MACROD1: variants seen among roughly 807,000 people sequenced by gnomAD.
MACROD1 encodes the protein ADP-ribose glycohydrolase MACROD1.
MACROD1 carries 31 observed loss-of-function variants against 41.4 expected under a neutral mutation model. That is an observed-to-expected ratio of 0.75 (90% CI 0.56 to 1.01). The LOEUF (loss-of-function observed/expected upper bound fraction) is 1.01. Ranked by LOEUF, MACROD1 falls within the 50% of genes least tolerant of loss-of-function variation. The pLI, the probability that MACROD1 is intolerant of heterozygous loss-of-function variation, is 0.00. For synonymous variants in MACROD1, 252 were observed against 203.4 expected (o/e 1.24, Z -2.03); for missense variants, 473 against 460.0 (o/e 1.03, Z -0.26).
intron 4 of MACROD1, among the ~76,000 whole-genome samples, chr11:64,011,564 C>G (rs1450634848): frequency 6.6e-6 from 1 of 151,954 alleles, no homozygotes; most frequent in African/African-American, 2.4e-5. Flanking sequence ...AGCTCAGAAT[C>G]TCCCATAACC....
chr11:64,123,572 C>A (rs914958934), intron 3 of MACROD1, among the ~76,000 whole-genome samples: 8 of 151,824 alleles, frequency 5.3e-5, no homozygotes, highest in African/African-American at 1.9e-4. Flanking sequence ...GGGGCACCTG[C>A]CCTGGCTTGG....
At chr11:64,103,476 A>C (rs958951379) in intron 3 of MACROD1, 2 of 152,182 alleles carry the variant, frequency 1.3e-5, no homozygotes, top group Non-Finnish European at 2.9e-5. Flanking sequence ...CCGGAGACAC[A>C]GCCTGAGTGG....
chr11:64,093,315 G>A (rs966741954), intron 3 of MACROD1, among the ~76,000 whole-genome samples: 1 of 152,230 alleles, frequency 6.6e-6, no homozygotes, highest in African/African-American at 2.4e-5. Flanking sequence ...TGCTGGTGTT[G>A]TCACTGCTGC....
chr11:64,094,579 C>T (rs1382824089), intron 3 of MACROD1, among the ~76,000 whole-genome samples: 1 of 152,202 alleles, frequency 6.6e-6, no homozygotes, highest in Non-Finnish European at 1.5e-5. Context: ...CCATCCCTGC[C>T]CCTGCCTAAC....
intron 3 of MACROD1, chr11:64,081,675 C>G (rs1320622950): frequency 6.6e-6 from 1 of 152,220 alleles, no homozygotes; most frequent in African/African-American, 2.4e-5. Context: ...ACATGCTTTT[C>G]TGCTTGAACC....
intron 3 of MACROD1, among the ~76,000 whole-genome samples, chr11:64,094,076 C>T (rs1944535428): frequency 6.6e-6 from 1 of 152,208 alleles, no homozygotes; most frequent in Admixed American, 6.5e-5. Flanking sequence ...CCAGGCAGAT[C>T]ATCTGAGGTC....
intron 3 of MACROD1, chr11:64,138,423 A>C (rs1167487070): frequency 1.3e-6 from 1 of 784,634 alleles, no homozygotes; most frequent in Non-Finnish European, 1.5e-6. Flanking sequence ...CTCCTCACAA[A>C]TGTCAATTCT....
intron 3 of MACROD1, among the ~76,000 whole-genome samples, chr11:64,131,756 G>A (rs560176895): frequency 1.3e-5 from 2 of 152,330 alleles, no homozygotes; most frequent in Admixed American, 6.5e-5. Context: ...TTCAGATGGG[G>A]AACATGCAGC....
chr11:64,151,548 G>A (rs536155738), intron 2 of MACROD1, among the ~76,000 whole-genome samples, 193 bp from the exon 3 acceptor site: 1 of 152,238 alleles, frequency 6.6e-6, no homozygotes, highest in South Asian at 2.1e-4. Context: ...AATCACGCGG[G>A]GACTCCTTGC....
intron 3 of MACROD1, among the ~76,000 whole-genome samples, chr11:64,091,030 G>A (rs931924542): frequency 9.9e-5 from 15 of 151,252 alleles, no homozygotes; most frequent in African/African-American, 3.4e-4. Flanking sequence ...GAGGAGGGAG[G>A]GGAGAAAGAA....
chr11:63,999,140 C>T, intron 8 of MACROD1, 104 bp from the exon 9 acceptor site: 1 of 1,347,616 alleles, frequency 7.4e-7, no homozygotes. Flanking sequence ...GCCCTGCGCC[C>T]TTCACGGAGG....
chr11:64,051,120 C>A (rs1334011422), intron 3 of MACROD1, among the ~76,000 whole-genome samples: 1 of 152,202 alleles, frequency 6.6e-6, no homozygotes, highest in Non-Finnish European at 1.5e-5. Flanking sequence ...GGGTGCAGCC[C>A]CCAAAGCCCC....
rs771072390 is a variant in MACROD1, at chr11:64,116,557, G to C, written c.517+34682C>G. On this transcript the variant is annotated intron_variant, in intron 3 of 10. Coordinates refer to ENST00000255681, the MANE Select transcript of MACROD1 (RefSeq NM_014067.4). ...CAGAACAACCAGATCAACAACGCCG[G>C]CATCCCCCAGGACCTCAAGACCAAG... 1.2e-6 allele frequency: 2 copies of C among 1,613,852 alleles called. No homozygotes were observed. Among genetic ancestry groups the C allele is most frequent in the African/African-American group, 2.7e-5 (2 of 74,886 alleles).
chr11:64,003,594 G>C (rs12290355), intron 4 of MACROD1, among the ~76,000 whole-genome samples: 1 of 152,180 alleles, frequency 6.6e-6, no homozygotes, highest in Non-Finnish European at 1.5e-5. Flanking sequence ...GCCTTTGTCA[G>C]CCTTCTTGTT....
rs182793935 is a variant in MACROD1 at position 64,124,106 on chromosome 11, G to A, written c.517+27133C>T. Among the ~76,000 whole-genome samples, 534 of 152,330 alleles carry A rather than the reference G, an allele frequency of 3.5e-3. 4 individuals carry two copies. The highest frequency in any genetic ancestry group is 6.6e-3 in the Non-Finnish European group (447 of 68,030). On this transcript the variant is annotated intron_variant, in intron 3 of 10. Coordinates refer to ENST00000255681, the MANE Select transcript of MACROD1 (RefSeq NM_014067.4). The stretch of plus-strand genomic sequence containing the variant: ...AGCCAGACCATCCTGCCCCACCAAA[G>A]AGCCACTTGTGCCAGCAGAGAGGCT...
At chr11:64,046,582 G>A (rs1943588349) in intron 3 of MACROD1, among the ~76,000 whole-genome samples, 1 of 152,088 alleles carries the variant, frequency 6.6e-6, no homozygotes. Context: ...ACGGAGTTTT[G>A]TTCTCGTCGC....
At chr11:64,074,876 A>T (rs1338057593) in intron 3 of MACROD1, among the ~76,000 whole-genome samples, 1 of 152,172 alleles carries the variant, frequency 6.6e-6, no homozygotes, top group East Asian at 1.9e-4. Flanking sequence ...GATCCTGAAC[A>T]TGCCCCTTTC....
At chr11:64,130,229 GC>G (rs1211130072) in intron 3 of MACROD1, among the ~76,000 whole-genome samples, 2 of 152,330 alleles carry the variant, frequency 1.3e-5, no homozygotes, top group East Asian at 3.9e-4. Flanking sequence ...CCGAATGGCT[GC>G]CCTGCGGCCA....
intron 1 of MACROD1, among the ~76,000 whole-genome samples, chr11:64,152,984 G>A (rs1945606283): frequency 6.6e-6 from 1 of 152,140 alleles, no homozygotes; most frequent in Admixed American, 6.5e-5. Flanking sequence ...GGTTGGAATC[G>A]TTCTCGTTTT....
Sources: allele counts gnomAD v4.1 joint callset (sites outside exome capture counted in the v4.1 genomes callset), GRCh38; gene constraint gnomAD v4.1.1; transcripts MANE v1.5; gene names NCBI Gene and HGNC (gene_info 2026-07-23, HGNC 2026-07-21).